The following CDYL2 variants were observed in gnomAD, a reference collection of about 807,000 sequenced individuals.
The protein encoded by CDYL2 is chromodomain Y-like protein 2.
In CDYL2, 23 loss-of-function variants were observed where a neutral mutation model predicts 49.4. The ratio of observed to expected loss-of-function variants is 0.47; its 90% CI spans 0.34 to 0.66. CDYL2 has a LOEUF of 0.66. Among genes scored for constraint, CDYL2 ranks in the 30% least tolerant of loss-of-function variants. The probability of loss-of-function intolerance (pLI) is 0.01; values close to 1 mark genes in which losing one functional copy is unlikely to be tolerated. For missense variants in CDYL2, 678 were observed against 656.4 expected, an observed-to-expected ratio of 1.03 and a Z score of -0.36; for synonymous variants, 360 against 268.8, an observed-to-expected ratio of 1.34 and a Z score of -3.32.
chr16:80,605,114 T>C (rs964370912), intron 6 of CDYL2, among the ~76,000 whole-genome samples: 2 of 152,098 alleles, frequency 1.3e-5, no homozygotes, highest in Admixed American at 6.5e-5. Flanking sequence ...ATAACAATCA[T>C]CACAGCCATA....
intron 1 of CDYL2, among the ~76,000 whole-genome samples, chr16:80,708,887 C>T (rs1288976265): frequency 6.6e-6 from 1 of 151,984 alleles, no homozygotes; most frequent in Non-Finnish European, 1.5e-5. Flanking sequence ...TTGCTGCAAT[C>T]CTCATAGAAA....
intron 2 of CDYL2, among the ~76,000 whole-genome samples, chr16:80,640,277 C>T (rs1908024990): frequency 6.6e-6 from 1 of 152,170 alleles, no homozygotes; most frequent in Non-Finnish European, 1.5e-5. Context: ...TGGATAACAG[C>T]TCAGTCACAG....
intron 1 of CDYL2, among the ~76,000 whole-genome samples, chr16:80,740,732 A>G (rs1419213711): frequency 6.6e-6 from 1 of 152,126 alleles, no homozygotes; most frequent in Admixed American, 6.6e-5. Flanking sequence ...AATATAGTAG[A>G]AAAAAAGTCT....
At chr16:80,690,013 C>G (rs898204090) in intron 1 of CDYL2, among the ~76,000 whole-genome samples, 1 of 151,716 alleles carries the variant, frequency 6.6e-6, no homozygotes, top group Non-Finnish European at 1.5e-5. Flanking sequence ...CCCAGCTACT[C>G]CAGAGGCTGA....
intron 1 of CDYL2, among the ~76,000 whole-genome samples, chr16:80,795,005 G>A (rs1169814172): frequency 6.6e-6 from 1 of 152,126 alleles, no homozygotes; most frequent in East Asian, 1.9e-4. Flanking sequence ...TTTGACTGAT[G>A]GATCATTAAA....
At chr16:80,618,092 G>C (rs1308267450) in intron 4 of CDYL2, among the ~76,000 whole-genome samples, 1 of 152,222 alleles carries the variant, frequency 6.6e-6, no homozygotes, top group Non-Finnish European at 1.5e-5. Flanking sequence ...GCTAGTTCAT[G>C]AACTAGCAAC....
intron 1 of CDYL2, among the ~76,000 whole-genome samples, chr16:80,790,143 C>T (rs552396786): frequency 1.3e-5 from 2 of 152,278 alleles, no homozygotes; most frequent in East Asian, 3.9e-4. Flanking sequence ...ATTTCAACAA[C>T]CTTTTTATGC....
chr16:80,763,420 ATGGTGAAACCC>A (rs1312180863), intron 1 of CDYL2, among the ~76,000 whole-genome samples: 1 of 152,054 alleles, frequency 6.6e-6, no homozygotes, highest in African/African-American at 2.4e-5. Flanking sequence ...CCTGGCCAAC[ATGGTGAAACCC>A]TGTCTCTATC....
At chr16:80,723,342 C>T (rs886575619) in intron 1 of CDYL2, among the ~76,000 whole-genome samples, 1 of 152,214 alleles carries the variant, frequency 6.6e-6, no homozygotes, top group Admixed American at 6.5e-5. Context: ...CAGCTTTGGG[C>T]TTGCAGCGCT....
At chr16:80,702,709 C>G (rs568830259) in intron 1 of CDYL2, among the ~76,000 whole-genome samples, 1 of 152,128 alleles carries the variant, frequency 6.6e-6, no homozygotes, top group African/African-American at 2.4e-5. Flanking sequence ...ATGATCGTAC[C>G]ACTGCATTCC....
chr16:80,726,807 G>A (rs753261863), intron 1 of CDYL2, among the ~76,000 whole-genome samples: 1 of 151,262 alleles, frequency 6.6e-6, no homozygotes, highest in African/African-American at 2.4e-5. Context: ...CAAACAAACA[G>A]CTAAGCATGG....
At chr16:80,674,360 C>T (rs1909654471) in intron 2 of CDYL2, among the ~76,000 whole-genome samples, 1 of 152,142 alleles carries the variant, frequency 6.6e-6, no homozygotes, top group Admixed American at 6.5e-5. Context: ...CTCCCTTGCA[C>T]ATGGCAAGCA....
chr16:80,683,542 T>C (rs1417312643), intron 2 of CDYL2, among the ~76,000 whole-genome samples: 1 of 150,776 alleles, frequency 6.6e-6, no homozygotes, highest in Non-Finnish European at 1.5e-5. Context: ...CAGGCTGTGT[T>C]AGAGTAAGAG....
chr16:80,682,318 A>G (rs1386746323), intron 2 of CDYL2, among the ~76,000 whole-genome samples: 1 of 152,204 alleles, frequency 6.6e-6, no homozygotes, highest in African/African-American at 2.4e-5. Flanking sequence ...GAGAGACAAG[A>G]AAGGTCTAGA....
intron 1 of CDYL2, among the ~76,000 whole-genome samples, chr16:80,757,150 T>C (rs1004011136): frequency 1.3e-5 from 2 of 152,182 alleles, no homozygotes; most frequent in African/African-American, 4.8e-5. Flanking sequence ...TGACCACTGT[T>C]TGCTTAGGAT....
intron 3 of CDYL2, 136 bp from the exon 4 acceptor site, chr16:80,621,071 C>A (rs1907064810): frequency 2.1e-6 from 2 of 974,082 alleles, no homozygotes; most frequent in Admixed American, 3.3e-5. Context: ...GTGCAGGGAG[C>A]CTCCCCTGAG....
chr16:80,703,469 G>A (rs539399614), intron 1 of CDYL2, among the ~76,000 whole-genome samples: 13 of 152,234 alleles, frequency 8.5e-5, no homozygotes, highest in Admixed American at 3.9e-4. Context: ...TACCAACCTC[G>A]TCACTGGTCC....
chr16:80,730,890 G>C (rs1388369922), intron 1 of CDYL2, among the ~76,000 whole-genome samples: 3 of 152,206 alleles, frequency 2.0e-5, no homozygotes, highest in African/African-American at 4.8e-5. Flanking sequence ...ATATAAAATT[G>C]TGAAAATGTA....
chr16:80,739,218 A>T (rs1211634372), intron 1 of CDYL2, among the ~76,000 whole-genome samples: 1 of 152,218 alleles, frequency 6.6e-6, no homozygotes, highest in South Asian at 2.1e-4. Flanking sequence ...AGAGACAGAA[A>T]GTGGAATCGT....
Sources: allele counts gnomAD v4.1 joint callset (sites outside exome capture counted in the v4.1 genomes callset), GRCh38; gene constraint gnomAD v4.1.1; transcripts MANE v1.5; gene names NCBI Gene and HGNC (gene_info 2026-07-23, HGNC 2026-07-21).